Variants in TATDN2 observed in about 807,000 individuals in gnomAD.
The protein encoded by TATDN2 is 3'-5' RNA nuclease TATDN2.
TATDN2 carries 44 observed loss-of-function variants against 60.3 expected under a neutral mutation model. The observed-to-expected ratio is 0.73, with a 90% CI of 0.57 to 0.94. The LOEUF (loss-of-function observed/expected upper bound fraction) is 0.94. TATDN2 is among the 40% of genes least tolerant of loss of function. The pLI, the probability that TATDN2 is intolerant of heterozygous loss-of-function variation, is 0.00. For synonymous variants in TATDN2, 399 were observed against 355.8 expected (o/e 1.12, Z -1.37); for missense variants, 997 against 948.0 (o/e 1.05, Z -0.68).
intron 3 of TATDN2, among the ~76,000 whole-genome samples, chr3:10,262,449 A>C (rs1369587522): frequency 6.6e-6 from 1 of 151,014 alleles, no homozygotes; most frequent in Non-Finnish European, 1.5e-5. Flanking sequence ...CTTGATTACA[A>C]GCTTGGTTGG....
In TATDN2 at chr3:10,270,751, C is replaced by T; in HGVS notation, c.1569C>T (p.Ser523=). Residue 523 remains serine, a synonymous_variant, in exon 4 of 8, where the codon AGC becomes AGT. Transcript: ENST00000448281. ...GTFTKFRKIY[S]SSFPKEFQGC... ...TTACAAAGTTCAGAAAAATTTACAGCAGCTCCTTCCCTAAGGAATTTCAGG... is the reference window on the plus strand; with the variant it reads ...TTACAAAGTTCAGAAAAATTTACAGTAGCTCCTTCCCTAAGGAATTTCAGG... The T allele has an allele frequency of 1.2e-6, 2 of 1,614,200 alleles. No homozygotes were observed. The highest frequency in any genetic ancestry group is 1.7e-6 in the Non-Finnish European group (2 of 1,180,034).
At chr3:10,252,771 T>G (rs1489526641) in intron 2 of TATDN2, among the ~76,000 whole-genome samples, 1 of 150,544 alleles carries the variant, frequency 6.6e-6, no homozygotes, top group East Asian at 2.0e-4. Flanking sequence ...GCTCACTGCA[T>G]CTCAACCTCC....
rs763845193 is a variant in TATDN2 at position 10,260,380 on chromosome 3, C to T, written c.658C>T (p.His220Tyr). The change falls in exon 3 of 8, where the codon CAT (histidine) becomes TAT (tyrosine). Residue 220 changes from histidine (H) to tyrosine (Y), a missense_variant. By Grantham distance (83) the His-to-Tyr change is moderately conservative (BLOSUM62 2). Coordinates refer to ENST00000448281, the MANE Select transcript of TATDN2 (RefSeq NM_014760.4). Reference protein sequence around the residue: ...AKPSAAEHPSHGEGPARSEGP... With the variant: ...AKPSAAEHPSYGEGPARSEGP... ...ACCAAGCGCAGCAGAGCATCCCAGC[C>T]ATGGAGAAGGACCAGCCAGGAGTGA... The T allele has an allele frequency of 6.2e-7, 1 of 1,614,140 alleles. No homozygotes were observed. Among genetic ancestry groups the T allele is most frequent in the Admixed American group, 1.7e-5 (1 of 60,000 alleles).
At chr3:10,256,168 T>C (rs1698305247) in intron 2 of TATDN2, among the ~76,000 whole-genome samples, 1 of 152,040 alleles carries the variant, frequency 6.6e-6, no homozygotes. Context: ...GTTATTACTA[T>C]TATTTTTTTT....
At chr3:10,276,560 G>C in intron 5 of TATDN2, 72 bp downstream of exon 5, 5 of 1,571,978 alleles carry the variant, frequency 3.2e-6, no homozygotes, top group Non-Finnish European at 4.3e-6. Flanking sequence ...GGACAGCAAT[G>C]ATCGTATTCT....
chr3:10,256,519 C>A (rs1296902021), intron 2 of TATDN2, among the ~76,000 whole-genome samples: 2 of 152,042 alleles, frequency 1.3e-5, no homozygotes, highest in African/African-American at 4.8e-5. Flanking sequence ...GGTCCAGAAC[C>A]GTGCCTGCTG....
At chr3:10,269,562 G>A (rs952577130) in intron 3 of TATDN2, among the ~76,000 whole-genome samples, 1 of 152,124 alleles carries the variant, frequency 6.6e-6, no homozygotes, top group Non-Finnish European at 1.5e-5. Context: ...TTAGCCAGAT[G>A]TGGTGGTGCG....
At chr3:10,251,855 A>ATT (rs111556258) in intron 2 of TATDN2, among the ~76,000 whole-genome samples, 22 of 148,934 alleles carry the variant, frequency 1.5e-4, no homozygotes, top group East Asian at 4.1e-4. Flanking sequence ...CAGATTAAAA[A>ATT]TTTTTTTTTT....
intron 2 of TATDN2, among the ~76,000 whole-genome samples, chr3:10,255,013 C>CTCCCCT (rs1553628216): frequency 1.4e-5 from 1 of 72,902 alleles, no homozygotes; most frequent in Non-Finnish European, 2.3e-5. Context: ...CCACTTCCCA[C>CTCCCCT]TCCCCCTCCC....
Position 10,280,225 on chromosome 3 carries a change from T to G in TATDN2, c.*1043T>G, listed in dbSNP as rs1302042269. 3 of 153,838 alleles carry G rather than the reference T, an allele frequency of 2.0e-5. No homozygotes were observed. The highest frequency in any genetic ancestry group is 1.5e-5 in the Non-Finnish European group (1 of 68,084). 9.5% of individuals were successfully genotyped at this position (153,838 alleles called of 1,614,324 possible). A position where few individuals can be genotyped will look rare whatever the true frequency, so the allele number is the denominator to read the frequency against. ...ATGCAGAATAAGCAGGCCTGGTGTC[T>G]GCAAATGTACCAGTCCTTCTCCCGC... is the stretch of plus-strand genomic sequence containing the variant. On this transcript the variant is annotated 3_prime_UTR_variant, in exon 8 of 8. Transcript: ENST00000448281.
chr3:10,254,873 T>A (rs187782628), intron 2 of TATDN2, among the ~76,000 whole-genome samples: 22 of 152,302 alleles, frequency 1.4e-4, no homozygotes, highest in African/African-American at 5.3e-4. Flanking sequence ...TCTACCTACT[T>A]CTTACCTTTA....
chr3:10,255,601 C>T lies in TATDN2; in HGVS notation c.415-4536C>T, dbSNP rs561268338. Among the ~76,000 whole-genome samples the T allele has an allele frequency of 5.8e-3, 784 of 134,736 alleles. 4 individuals carry two copies. The highest frequency in any genetic ancestry group is 0.02 in the African/African-American group (750 of 36,650). The allele number at this position is 134,736 out of a possible 152,430, so 88.4% of individuals were successfully genotyped here. A position where few individuals can be genotyped will look rare whatever the true frequency, so the allele number is the denominator to read the frequency against. On this transcript the variant is annotated intron_variant, in intron 2 of 7. Transcript: ENST00000448281. ...TGGTCTGTGGACTGGATGTAGCCTG[C>T]TAGGTCCTTAACAGTATTTACATTT...
At chr3:10,262,527 CTTTTTT>C (rs60747520) in intron 3 of TATDN2, among the ~76,000 whole-genome samples, 2 of 59,976 alleles carry the variant, frequency 3.3e-5, no homozygotes, top group African/African-American at 1.5e-4. Flanking sequence ...TTCTTCTGGG[CTTTTTT>C]TTTTTTTTTT....
intron 4 of TATDN2, among the ~76,000 whole-genome samples, chr3:10,271,588 G>A (rs550953468): frequency 5.3e-4 from 80 of 152,250 alleles, no homozygotes; most frequent in African/African-American, 1.8e-3. Context: ...ACAGGCATGA[G>A]CCACTGCGCC....
intron 3 of TATDN2, among the ~76,000 whole-genome samples, chr3:10,268,380 T>C (rs2879749): frequency 9.2e-5 from 14 of 152,256 alleles, no homozygotes; most frequent in African/African-American, 3.1e-4. Context: ...GAATGCTCTT[T>C]CATTGTGAAT....
At position 10,249,183 on chromosome 3, in the gene TATDN2, T is replaced by C; in HGVS notation, c.-6-12T>C. ...GGGTGGTGTTGGAATCCAGGCCCCC[T>C]GTACCTTGCAGGTGCCCATGGCGTC... On this transcript the variant is annotated splice_polypyrimidine_tract_variant and intron_variant, in intron 1 of 7. Transcript: ENST00000448281. The C allele has an allele frequency of 6.6e-7, 1 of 1,509,158 alleles. No homozygotes were observed. Among genetic ancestry groups the C allele is most frequent in the Non-Finnish European group, 8.9e-7 (1 of 1,128,690 alleles). The allele number at this position is 1,509,158 out of a possible 1,614,324, so 93.5% of individuals were successfully genotyped here.
chr3:10,260,534 A>T lies in TATDN2; in HGVS notation c.812A>T (p.Tyr271Phe). 1 of 1,614,166 alleles carries T rather than the reference A, an allele frequency of 6.2e-7. No homozygotes were observed. Among genetic ancestry groups the T allele is most frequent in the Non-Finnish European group, 8.5e-7 (1 of 1,180,020 alleles). ...DKTVPERSSFYDRRVVIDPQE... is the reference protein window; with the variant it reads ...DKTVPERSSFFDRRVVIDPQE... ...ACAGTGCCAGAGAGGAGCAGCTTCT[A>T]TGACAGGAGAGTAGTTATAGACCCT... The change falls in exon 3 of 8, where the codon TAT becomes TTT. Residue 271 changes from tyrosine (Y) to phenylalanine (F), a missense_variant. Tyr to Phe is a conservative substitution (Grantham distance 22). Transcript: ENST00000448281.
chr3:10,249,093 G>T, intron 1 of TATDN2, 26 bp downstream of exon 1: 5 of 1,372,196 alleles, frequency 3.6e-6, no homozygotes, highest in Non-Finnish European at 4.9e-6. Flanking sequence ...CCCTGGCTCT[G>T]CCCTTATGTC....
At position 10,275,739 on chromosome 3, in the gene TATDN2, C is replaced by T. The variant is rs147606008; in HGVS notation, c.1834-622C>T. Among the ~76,000 whole-genome samples, 142 of 145,524 alleles carry T rather than the reference C, an allele frequency of 9.8e-4. 1 individual carries two copies. Among genetic ancestry groups the T allele is most frequent in the African/African-American group, 3.4e-3 (132 of 38,844 alleles). On this transcript the variant is annotated intron_variant, in intron 4 of 7. Transcript: ENST00000448281. ...CCAGCCTGGGCGACAGAGCAAGATT[C>T]GGTCTCAAAAAAACAAAACAAAACA...
Sources: allele counts gnomAD v4.1 joint callset (sites outside exome capture counted in the v4.1 genomes callset), GRCh38; gene constraint gnomAD v4.1.1; transcripts MANE v1.5; gene names NCBI Gene and HGNC (gene_info 2026-07-23, HGNC 2026-07-21).